EPHA8: variants seen among roughly 807,000 people sequenced by gnomAD.
EPHA8 encodes the protein ephrin type-A receptor 8.
Under a neutral mutation model 103.6 loss-of-function variants are expected in EPHA8, and 58 were observed. That is an observed-to-expected ratio of 0.56 (90% CI 0.45 to 0.70). The LOEUF is 0.70. EPHA8 is among the 30% of genes least tolerant of loss of function. EPHA8 has a pLI of 0.00. For missense variants in EPHA8, 1,304 were observed against 1,395.2 expected (o/e 0.93, Z 1.04); for synonymous variants, 559 against 572.5 (o/e 0.98, Z 0.34).
rs544034693 is a variant in EPHA8 at position 22,601,771 on chromosome 1, C to A, written c.*30C>A. 1 of 1,542,518 alleles carries A rather than the reference C, an allele frequency of 6.5e-7. No homozygotes were observed. The highest frequency in any genetic ancestry group is 1.2e-5 in the South Asian group (1 of 83,990). ...CAGCCAGCAGGGCCCAGGCAGCCAC[C>A]AAGCCCACCCCAGGTCATGCCAGCG... On this transcript the variant is annotated 3_prime_UTR_variant, in exon 17 of 17. Transcript: ENST00000166244.
At chr1:22,584,499 G>C (rs961957175) in intron 3 of EPHA8, among the ~76,000 whole-genome samples, 1 of 152,222 alleles carries the variant, frequency 6.6e-6, no homozygotes, top group African/African-American at 2.4e-5. Context: ...TCTCAAGTTT[G>C]TAGAATTTTA....
At chr1:22,578,824 C>T (rs1640914665) in intron 3 of EPHA8, among the ~76,000 whole-genome samples, 2 of 143,990 alleles carry the variant, frequency 1.4e-5, no homozygotes, top group South Asian at 4.4e-4. Flanking sequence ...TGTACATGTG[C>T]ATGCCTGTGT....
chr1:22,598,353 G>A lies in EPHA8; in HGVS notation c.2178+141G>A, dbSNP rs1012237171. The A allele has an allele frequency of 7.8e-6, 6 of 769,736 alleles. No individual in the cohort carries two copies. The highest frequency in any genetic ancestry group is 2.8e-5 in the Admixed American group (1 of 35,476). 47.7% of individuals were successfully genotyped at this position (769,736 alleles called of 1,614,324 possible). On this transcript the variant is annotated intron_variant, in intron 12 of 16. Transcript: ENST00000166244. The surrounding 1 kb of genome is among the most constrained non-coding windows in gnomAD (Gnocchi z 5.1). ...GGGGACAGGAGGCAGGTATAGGGAG[G>A]AGGTCTTCGAGTTCAGCCAGTCGAA...
At chr1:22,564,198 G>C (rs541834781) in intron 1 of EPHA8, among the ~76,000 whole-genome samples, 1 of 151,726 alleles carries the variant, frequency 6.6e-6, no homozygotes, top group African/African-American at 2.4e-5. Flanking sequence ...GAAGGCAAAG[G>C]GGGTGGGGAC....
chr1:22,578,874 TCC>T (rs1557561807), intron 3 of EPHA8, among the ~76,000 whole-genome samples: 3 of 130,358 alleles, frequency 2.3e-5, no homozygotes, highest in African/African-American at 1.3e-4. Context: ...TATGCACGTG[TCC>T]GTGTGTCCGT....
intron 1 of EPHA8, among the ~76,000 whole-genome samples, chr1:22,564,141 A>T (rs985543087): frequency 7.0e-6 from 1 of 143,880 alleles, no homozygotes; most frequent in Non-Finnish European, 1.5e-5. Context: ...GGGGGTAGGC[A>T]CTGGGGTTGG....
rs1437688617 is a variant in EPHA8 at position 22,599,012 on chromosome 1, C to T, written c.2353C>T (p.Leu785=). The part of the protein sequence containing the change: ...KVSDFGLSRV[L]EDDPDAAYTT... ...GTCTGACTTCGGGCTCTCACGGGTG[C>T]TGGAGGACGACCCGGATGCTGCCTA... The change falls in exon 13 of 17, where the codon CTG becomes TTG. Residue 785 remains leucine, a synonymous_variant. Transcript: ENST00000166244. 1.9e-6 allele frequency: 3 copies of T among 1,610,742 alleles called. No homozygotes were observed. The highest frequency in any genetic ancestry group is 2.5e-6 in the Non-Finnish European group (3 of 1,179,114).
chr1:22,584,963 A>G (rs1641151119), intron 3 of EPHA8, among the ~76,000 whole-genome samples: 1 of 152,084 alleles, frequency 6.6e-6, no homozygotes. Context: ...GAGTACAGCC[A>G]TAGTGTTGCA....
chr1:22,576,435 C>T lies in EPHA8; in HGVS notation c.378C>T (p.Tyr126=), dbSNP rs1003515881. 9.9e-6 allele frequency: 16 copies of T among 1,613,946 alleles called. No homozygotes were observed. The highest frequency in any genetic ancestry group is 9.3e-5 in the African/African-American group (7 of 74,924). Residue 126 remains tyrosine, a synonymous_variant, in exon 3 of 17, where the codon TAC becomes TAT. Transcript: ENST00000166244. This position sits in a 1 kb window ranked among gnomAD's most constrained non-coding sequence, Gnocchi z 4.8. ...GTCKETFNLY[Y]LESDRDLGAS... ...GCAAGGAGACCTTCAACCTCTACTA[C>T]CTGGAGTCGGACCGCGACCTGGGGG...
chr1:22,594,592 G>A (rs962293742), intron 7 of EPHA8, among the ~76,000 whole-genome samples: 2 of 152,212 alleles, frequency 1.3e-5, no homozygotes, highest in African/African-American at 4.8e-5. Context: ...CCAATCTCCA[G>A]CCGGAGTCAG....
At chr1:22,601,513 G>T (rs1013486094) in intron 16 of EPHA8, 40 bp downstream of exon 16, 1 of 1,602,778 alleles carries the variant, frequency 6.2e-7, no homozygotes, top group East Asian at 2.2e-5. Flanking sequence ...GCGTGTGGGG[G>T]CAGGGGGGGG....
At chr1:22,596,379 A>G (rs901957201) in intron 9 of EPHA8, among the ~76,000 whole-genome samples, 2 of 152,178 alleles carry the variant, frequency 1.3e-5, no homozygotes, top group Non-Finnish European at 2.9e-5. Flanking sequence ...CCCATTCAGG[A>G]TGCTAGAGAT....
chr1:22,566,503 C>G (rs1032340162), intron 1 of EPHA8, among the ~76,000 whole-genome samples: 2 of 152,184 alleles, frequency 1.3e-5, no homozygotes, highest in Non-Finnish European at 2.9e-5. Flanking sequence ...CCCAGAACAG[C>G]CCGGGCAGAT....
At chr1:22,570,387 C>T (rs549827187) in intron 2 of EPHA8, among the ~76,000 whole-genome samples, 24 of 84,716 alleles carry the variant, frequency 2.8e-4, no homozygotes, top group East Asian at 5.4e-4. Context: ...CACACACGCG[C>T]GCGCGCATAC....
In EPHA8 at chr1:22,597,901, C is replaced by T; in HGVS notation, c.2116+40C>T. On this transcript the variant is annotated intron_variant, in intron 11 of 16. Coordinates refer to ENST00000166244, the MANE Select transcript of EPHA8 (RefSeq NM_020526.5). The surrounding 1 kb of genome is among the most constrained non-coding windows in gnomAD (Gnocchi z 4.6). ...AAGACAGCCTCCCCCTGCAGTGCCCCTCCTGCCTGGAGAGGCCTCTGGGTC... is the reference window on the plus strand; with the variant it reads ...AAGACAGCCTCCCCCTGCAGTGCCCTTCCTGCCTGGAGAGGCCTCTGGGTC... 1 of 1,585,752 alleles carries T rather than the reference C, an allele frequency of 6.3e-7. No individual in the cohort carries two copies. Among genetic ancestry groups the T allele is most frequent in the Middle Eastern group, 1.7e-4 (1 of 5,912 alleles).
intron 3 of EPHA8, among the ~76,000 whole-genome samples, chr1:22,580,125 CTCTT>C: frequency 8.8e-6 from 1 of 113,118 alleles, no homozygotes; most frequent in African/African-American, 3.5e-5. Context: ...TTCTTTCTTT[CTCTT>C]TTTTTTTTTT....
At chr1:22,586,993 A>C (rs147744273) in intron 4 of EPHA8, among the ~76,000 whole-genome samples, 2 of 152,242 alleles carry the variant, frequency 1.3e-5, no homozygotes, top group African/African-American at 4.8e-5. Flanking sequence ...GGAGAGGGTG[A>C]GGGTTAGGGC....
Position 22,579,503 on chromosome 1 carries a change from G to A in EPHA8, c.823+2623G>A, listed in dbSNP as rs112745265. 4.0e-4 allele frequency among the ~76,000 whole-genome samples: 61 copies of A among 152,164 alleles called. 2 individuals carry two copies. The highest frequency in any genetic ancestry group is 1.2e-3 in the African/African-American group (50 of 41,486). On this transcript the variant is annotated intron_variant, in intron 3 of 16. Coordinates refer to ENST00000166244, the MANE Select transcript of EPHA8 (RefSeq NM_020526.5). ...GTGAGTGTATGTCTGCATGGTGTGCGCATGTGTGTGTGCATGTGGGGGAGT... is the reference window on the plus strand; with the variant it reads ...GTGAGTGTATGTCTGCATGGTGTGCACATGTGTGTGTGCATGTGGGGGAGT...
intron 3 of EPHA8, among the ~76,000 whole-genome samples, chr1:22,579,098 T>C (rs374010113): frequency 0.085 from 11,456 of 134,438 alleles, 508 homozygotes; most frequent in Non-Finnish European, 0.1. Context: ...CATGTGTGCA[T>C]GTGTATGTGT....
Sources: gnomAD v4.1 joint callset for allele counts (sites outside exome capture counted in the v4.1 genomes callset) on GRCh38, gnomAD v4.1.1 for gene constraint, Gnocchi (gnomAD v3.1) non-coding constraint, MANE v1.5 for transcripts, NCBI Gene and HGNC (gene_info 2026-07-23, HGNC 2026-07-21) for gene names.